NKAIN2: variants seen among roughly 807,000 people sequenced by gnomAD.
The protein encoded by NKAIN2 is sodium/potassium-transporting ATPase subunit beta-1-interacting protein 2.
A neutral mutation model predicts 32.6 loss-of-function variants in NKAIN2; 14 were observed. The observed-to-expected ratio is 0.43, with a 90% confidence interval of 0.28 to 0.67. The LOEUF is 0.67. NKAIN2 is among the 30% of genes least tolerant of loss of function. NKAIN2 has a pLI of 0.17. For synonymous variants in NKAIN2, 80 were observed against 87.2 expected, an observed-to-expected ratio of 0.92 and a Z score of 0.46; for missense variants, 198 against 258.3, an observed-to-expected ratio of 0.77 and a Z score of 1.60.
chr6:124,213,065 G>A (rs991466107), intron 1 of NKAIN2, among the ~76,000 whole-genome samples: 4 of 152,088 alleles, frequency 2.6e-5, no homozygotes, highest in African/African-American at 9.7e-5. Flanking sequence ...CTGTATCTAA[G>A]TCCTTCGTAT....
chr6:124,723,681 A>C (rs1776135643), intron 4 of NKAIN2, among the ~76,000 whole-genome samples: 1 of 152,226 alleles, frequency 6.6e-6, no homozygotes, highest in African/African-American at 2.4e-5. Context: ...GAAGAAAATC[A>C]GTTTTTACTG....
intron 1 of NKAIN2, among the ~76,000 whole-genome samples, chr6:123,841,674 A>G (rs1245372380): frequency 6.6e-6 from 1 of 152,136 alleles, no homozygotes; most frequent in Non-Finnish European, 1.5e-5. Flanking sequence ...GGTCACGGGA[A>G]CCACTTCACC....
intron 1 of NKAIN2, among the ~76,000 whole-genome samples, chr6:123,972,344 A>T (rs1025341875): frequency 8.5e-5 from 13 of 152,162 alleles, no homozygotes; most frequent in African/African-American, 3.1e-4. Context: ...ATCAAACTGG[A>T]TTTTTAGTAT....
chr6:124,472,029 C>T (rs1562205820), intron 3 of NKAIN2, among the ~76,000 whole-genome samples: 1 of 151,568 alleles, frequency 6.6e-6, no homozygotes, highest in Non-Finnish European at 1.5e-5. Context: ...CAAGGATCCC[C>T]AATTTCTTTT....
chr6:124,120,190 T>A (rs899883520), intron 1 of NKAIN2, among the ~76,000 whole-genome samples: 8 of 152,192 alleles, frequency 5.3e-5, no homozygotes, highest in African/African-American at 1.9e-4. Flanking sequence ...AATACATTTT[T>A]AAAAATTTTA....
At chr6:124,410,003 G>T (rs1020282082) in intron 3 of NKAIN2, among the ~76,000 whole-genome samples, 1 of 152,176 alleles carries the variant, frequency 6.6e-6, no homozygotes, top group Admixed American at 6.5e-5. Context: ...AGTATTCTCT[G>T]ATGGTAGTTT....
At chr6:124,002,434 T>C in intron 1 of NKAIN2, among the ~76,000 whole-genome samples, 1 of 151,256 alleles carries the variant, frequency 6.6e-6, no homozygotes, top group East Asian at 1.9e-4. Flanking sequence ...TTAAAATTTG[T>C]TTTCCTATCT....
At chr6:124,217,670 C>T (rs186677649) in intron 1 of NKAIN2, among the ~76,000 whole-genome samples, 11 of 152,118 alleles carry the variant, frequency 7.2e-5, no homozygotes, top group African/African-American at 2.4e-4. Context: ...TTGACATTCT[C>T]GACTGCATGA....
At chr6:124,543,552 T>C (rs1779984359) in intron 3 of NKAIN2, among the ~76,000 whole-genome samples, 1 of 152,146 alleles carries the variant, frequency 6.6e-6, no homozygotes, top group African/African-American at 2.4e-5. Context: ...AAATTATTAT[T>C]GTATAATAAG....
intron 1 of NKAIN2, among the ~76,000 whole-genome samples, chr6:124,088,804 T>C (rs989381616): frequency 2.0e-5 from 3 of 152,080 alleles, no homozygotes; most frequent in African/African-American, 7.2e-5. Context: ...AGGATTTGTG[T>C]GCTAAAATAA....
chr6:123,928,745 C>T (rs1431489713), intron 1 of NKAIN2, among the ~76,000 whole-genome samples: 2 of 152,132 alleles, frequency 1.3e-5, no homozygotes, highest in Non-Finnish European at 2.9e-5. Flanking sequence ...TCAGTAATTT[C>T]ATTTCTAGTC....
chr6:124,583,280 G>C (rs967694874), intron 3 of NKAIN2, among the ~76,000 whole-genome samples: 1 of 148,382 alleles, frequency 6.7e-6, no homozygotes, highest in Non-Finnish European at 1.5e-5. Flanking sequence ...AATGTGGCAG[G>C]ATACAAAATC....
intron 1 of NKAIN2, among the ~76,000 whole-genome samples, chr6:124,163,337 C>G (rs915294621): frequency 6.6e-6 from 1 of 151,570 alleles, no homozygotes; most frequent in African/African-American, 2.4e-5. Flanking sequence ...TAAAAGATGC[C>G]CATAAGAAAT....
intron 1 of NKAIN2, among the ~76,000 whole-genome samples, chr6:123,868,912 A>C (rs372727290): frequency 6.6e-6 from 1 of 152,180 alleles, no homozygotes. Flanking sequence ...TTTTTTAAAA[A>C]GAAAGAGGAT....
At chr6:124,818,323 TG>T in intron 5 of NKAIN2, 63 bp from the exon 6 acceptor site, 2 of 802,872 alleles carry the variant, frequency 2.5e-6, no homozygotes, top group Admixed American at 1.9e-5. Flanking sequence ...GTAATCTGTG[TG>T]GGTGCTTGAT....
chr6:124,347,131 A>T (rs1162127284), intron 2 of NKAIN2, among the ~76,000 whole-genome samples: 2 of 152,112 alleles, frequency 1.3e-5, no homozygotes, highest in African/African-American at 4.8e-5. Context: ...TGGCTTGAAA[A>T]TTCTTTTCTT....
intron 3 of NKAIN2, among the ~76,000 whole-genome samples, chr6:124,557,903 T>A (rs1780535471): frequency 6.6e-6 from 1 of 152,266 alleles, no homozygotes. Flanking sequence ...AAAATAAAGG[T>A]GCTGTGATTT....
At chr6:124,015,664 T>G (rs1345710502) in intron 1 of NKAIN2, among the ~76,000 whole-genome samples, 1 of 152,216 alleles carries the variant, frequency 6.6e-6, no homozygotes, top group Admixed American at 6.5e-5. Flanking sequence ...ATAAAATCAT[T>G]AGCTATGACT....
At chr6:124,526,218 T>C (rs949891764) in intron 3 of NKAIN2, among the ~76,000 whole-genome samples, 1 of 151,334 alleles carries the variant, frequency 6.6e-6, no homozygotes, top group African/African-American at 2.4e-5. Context: ...AAGAAAGAGG[T>C]AGAGGTACAG....
Sources: allele counts gnomAD v4.1 joint callset (sites outside exome capture counted in the v4.1 genomes callset), GRCh38; gene constraint gnomAD v4.1.1; transcripts MANE v1.5; gene names NCBI Gene and HGNC (gene_info 2026-07-23, HGNC 2026-07-21).